Variants in NCOA7 observed in about 807,000 individuals in gnomAD.
The protein encoded by NCOA7 is nuclear receptor coactivator 7.
A neutral mutation model predicts 104.3 loss-of-function variants in NCOA7; 45 were observed. The ratio of observed to expected loss-of-function variants is 0.43; its 90% CI spans 0.34 to 0.55. The LOEUF (loss-of-function observed/expected upper bound fraction) is 0.55. NCOA7 is among the 20% of genes least tolerant of loss of function. The pLI is 0.02. For missense variants in NCOA7, 1,041 were observed against 1,119.7 expected, an observed-to-expected ratio of 0.93 and a Z score of 1.00; for synonymous variants, 398 against 402.3, an observed-to-expected ratio of 0.99 and a Z score of 0.13.
intron 1 of NCOA7, among the ~76,000 whole-genome samples, chr6:125,801,243 A>G (rs1302158320): frequency 6.6e-6 from 1 of 152,168 alleles, no homozygotes; most frequent in Non-Finnish European, 1.5e-5. Context: ...TAGTCCATCT[A>G]CCCAAATAAG....
intron 1 of NCOA7, among the ~76,000 whole-genome samples, chr6:125,797,684 C>CA (rs747165678): frequency 5.5e-4 from 83 of 152,288 alleles, no homozygotes; most frequent in Non-Finnish European, 7.6e-4. Flanking sequence ...GTCACCCCTG[C>CA]AGTATGGGAT....
At chr6:125,829,988 T>C (rs1262524717) in intron 2 of NCOA7, among the ~76,000 whole-genome samples, 1 of 152,180 alleles carries the variant, frequency 6.6e-6, no homozygotes, top group Non-Finnish European at 1.5e-5. Flanking sequence ...CCATGCTAGG[T>C]TTGGAATATC....
At chr6:125,886,972 G>A (rs1346442020) in intron 8 of NCOA7, among the ~76,000 whole-genome samples, 1 of 152,222 alleles carries the variant, frequency 6.6e-6, no homozygotes, top group Admixed American at 6.5e-5. Flanking sequence ...CAACTGAAAG[G>A]ATTGTTGATC....
At chr6:125,899,843 A>G (rs572938003) in intron 10 of NCOA7, 2 of 309,266 alleles carry the variant, frequency 6.5e-6, no homozygotes, top group Admixed American at 5.6e-5. Flanking sequence ...TGAGTTAATC[A>G]TTCACTCTAC....
At chr6:125,835,970 T>C (rs559322549) in intron 2 of NCOA7, among the ~76,000 whole-genome samples, 40 of 152,320 alleles carry the variant, frequency 2.6e-4, no homozygotes, top group African/African-American at 9.4e-4. Flanking sequence ...ATTCCATCAT[T>C]GAATGGATGA....
chr6:125,784,730 C>T (rs982870525), intron 1 of NCOA7, among the ~76,000 whole-genome samples: 39 of 152,214 alleles, frequency 2.6e-4, no homozygotes, highest in African/African-American at 7.7e-4. Context: ...TATTGATACA[C>T]GTGATAACTT....
chr6:125,853,996 T>C (rs554602219), intron 2 of NCOA7, among the ~76,000 whole-genome samples: 21 of 152,318 alleles, frequency 1.4e-4, no homozygotes, highest in South Asian at 8.3e-4. Flanking sequence ...ATCTCATTTT[T>C]CTACCCAAAC....
upstream of NCOA7, among the ~76,000 whole-genome samples, chr6:125,786,675 C>A (rs1774484238): frequency 6.7e-6 from 1 of 149,948 alleles, no homozygotes; most frequent in African/African-American, 2.5e-5. Flanking sequence ...CTCTCGGGTT[C>A]AAGTGATTCT....
intron 1 of NCOA7, among the ~76,000 whole-genome samples, chr6:125,801,471 G>A (rs58712486): frequency 0.012 from 1,894 of 152,318 alleles, 21 homozygotes; most frequent in African/African-American, 0.026. Flanking sequence ...AACAGTGATA[G>A]TGTATAAAAG....
At chr6:125,829,491 C>T (rs760594552) in intron 2 of NCOA7, among the ~76,000 whole-genome samples, 1 of 152,180 alleles carries the variant, frequency 6.6e-6, no homozygotes, top group Non-Finnish European at 1.5e-5. Flanking sequence ...GCAGTGACAT[C>T]GGTGTAGGAA....
intron 10 of NCOA7, among the ~76,000 whole-genome samples, chr6:125,900,836 C>T (rs1276535472): frequency 6.6e-6 from 1 of 151,808 alleles, no homozygotes; most frequent in Admixed American, 6.6e-5. Flanking sequence ...CTGGGTATTA[C>T]TAACCATTGA....
At chr6:125,927,791 A>G in intron 14 of NCOA7, 33 bp downstream of exon 14, 1 of 1,507,968 alleles carries the variant, frequency 6.6e-7, no homozygotes. Flanking sequence ...CAACTCCCAT[A>G]TGTCACAGTG....
At chr6:125,880,046 A>G (rs534644386) in intron 5 of NCOA7, among the ~76,000 whole-genome samples, 7 of 152,318 alleles carry the variant, frequency 4.6e-5, no homozygotes, top group African/African-American at 1.4e-4. Context: ...GCCACAATGT[A>G]GCATGTCTCA....
intron 3 of NCOA7, among the ~76,000 whole-genome samples, chr6:125,868,980 ATATAATT>A (rs1326413889): frequency 1.3e-4 from 20 of 152,218 alleles, no homozygotes; most frequent in Non-Finnish European, 2.2e-4. Flanking sequence ...ACTGGTCCTG[ATATAATT>A]TAAAAACCTG....
chr6:125,803,015 CCTCT>C (rs1393013859), intron 1 of NCOA7, among the ~76,000 whole-genome samples: 2 of 152,180 alleles, frequency 1.3e-5, no homozygotes, highest in Non-Finnish European at 2.9e-5. Context: ...ATACTACATG[CCTCT>C]CTCTGTTGTT....
chr6:125,892,700 A>C (rs1562150372), intron 10 of NCOA7, among the ~76,000 whole-genome samples: 1 of 152,118 alleles, frequency 6.6e-6, no homozygotes, highest in African/African-American at 2.4e-5. Context: ...AACAAACAAA[A>C]AAAGCAGGTC....
chr6:125,804,637 T>C (rs578222609), intron 1 of NCOA7, among the ~76,000 whole-genome samples: 1 of 152,344 alleles, frequency 6.6e-6, no homozygotes, highest in African/African-American at 2.4e-5. Context: ...CTTATGAGTA[T>C]TAATGAGAGA....
chr6:125,854,566 C>T (rs1781395633), intron 2 of NCOA7, among the ~76,000 whole-genome samples: 1 of 152,204 alleles, frequency 6.6e-6, no homozygotes, highest in Non-Finnish European at 1.5e-5. Context: ...TCCTTTTACT[C>T]AGTATGTGAG....
intron 1 of NCOA7, among the ~76,000 whole-genome samples, chr6:125,784,057 C>T (rs992183931): frequency 6.6e-6 from 1 of 152,084 alleles, no homozygotes; most frequent in African/African-American, 2.4e-5. Context: ...TTAACTTGCC[C>T]ACAAGTGATT....
Sources: gnomAD v4.1 joint callset for allele counts (sites outside exome capture counted in the v4.1 genomes callset) on GRCh38, gnomAD v4.1.1 for gene constraint, MANE v1.5 for transcripts, NCBI Gene and HGNC (gene_info 2026-07-23, HGNC 2026-07-21) for gene names.